Variants in COL16A1 observed in about 807,000 individuals in gnomAD.
COL16A1 encodes the protein collagen alpha-1(XVI) chain.
A neutral mutation model predicts 266.3 loss-of-function variants in COL16A1; 189 were observed. The observed-to-expected ratio is 0.71, with a 90% CI of 0.63 to 0.80. The LOEUF is 0.80. Among genes scored for constraint, COL16A1 ranks in the 30% least tolerant of loss-of-function variants. The pLI is 0.00. For missense variants in COL16A1, 1,928 were observed against 2,122.4 expected, an observed-to-expected ratio of 0.91 and a Z score of 1.80; for synonymous variants, 740 against 782.3, an observed-to-expected ratio of 0.95 and a Z score of 0.90.
In COL16A1 at chr1:31,662,668, A is replaced by AGGGGGGGGGGGGGGGGGGGGGGGGGGGGG; in HGVS notation, c.3556-11_3556-10insCCCCCCCCCCCCCCCCCCCCCCCCCCCCC. 1.4e-6 allele frequency: 2 copies of AGGGGGGGGGGGGGGGGGGGGGGGGGGGGG among 1,407,800 alleles called. No homozygotes were observed. The highest frequency in any genetic ancestry group is 1.9e-6 in the Non-Finnish European group (2 of 1,035,192). 87.2% of individuals were successfully genotyped at this position (1,407,800 alleles called of 1,614,324 possible). Reference sequence around the variant, plus strand: ...GAATCCCTTCGCTGCCCTGGAAACCAGCGCCGCCCCCCCCCCCCGCCCCAC... The same window carrying AGGGGGGGGGGGGGGGGGGGGGGGGGGGGG: ...GAATCCCTTCGCTGCCCTGGAAACCAGGGGGGGGGGGGGGGGGGGGGGGGGGGGGGCGCCGCCCCCCCCCCCCGCCCCAC... On this transcript the variant is annotated splice_polypyrimidine_tract_variant and intron_variant, in intron 56 of 70. Transcript: ENST00000373672.
At chr1:31,660,449 G>A in intron 62 of COL16A1, 136 bp downstream of exon 62, 1 of 1,112,446 alleles carries the variant, frequency 9.0e-7, no homozygotes, top group Non-Finnish European at 1.3e-6. Flanking sequence ...ACCACAGAAG[G>A]AGTGGCCCCC....
chr1:31,657,112 G>A lies in COL16A1; in HGVS notation c.4021-44C>T. ...TGGAGACATGAGGAGCTCCAACCCA[G>A]TTTGGTGTCAGATGCCTCACTTTGT... On this transcript the variant is annotated intron_variant, in intron 64 of 70. Coordinates refer to ENST00000373672, the MANE Select transcript of COL16A1 (RefSeq NM_001856.4). The surrounding 1 kb of genome is among the most constrained non-coding windows in gnomAD (Gnocchi z 6.4). 6.2e-7 allele frequency: 1 copy of A among 1,613,772 alleles called. No homozygotes were observed. Among genetic ancestry groups the A allele is most frequent in the Non-Finnish European group, 8.5e-7 (1 of 1,179,722 alleles).
At chr1:31,696,827 T>C in intron 8 of COL16A1, 136 bp downstream of exon 8, 1 of 1,430,414 alleles carries the variant, frequency 7.0e-7, no homozygotes, top group East Asian at 2.4e-5. Context: ...GGCGTACAAA[T>C]AGGGAGGGCT....
chr1:31,667,319 A>T (rs1490199816), intron 52 of COL16A1, among the ~76,000 whole-genome samples: 1 of 152,108 alleles, frequency 6.6e-6, no homozygotes, highest in African/African-American at 2.4e-5. Context: ...GGGGGTCTAT[A>T]ATCCCAGGTC....
At position 31,657,292 on chromosome 1, in the gene COL16A1, A is replaced by T; in HGVS notation, c.4021-224T>A. 1.7e-6 allele frequency: 1 copy of T among 596,674 alleles called. No homozygotes were observed. The highest frequency in any genetic ancestry group is 3.0e-6 in the Non-Finnish European group (1 of 335,192). 37.0% of individuals were successfully genotyped at this position (596,674 alleles called of 1,614,324 possible). A position where few individuals can be genotyped will look rare whatever the true frequency, so the allele number is the denominator to read the frequency against. On this transcript the variant is annotated intron_variant, in intron 64 of 70. Transcript: ENST00000373672. The surrounding 1 kb of genome is among the most constrained non-coding windows in gnomAD (Gnocchi z 6.4). The stretch of plus-strand genomic sequence containing the variant: ...CCAACAGCTCCCAGCCCCCGTCTAC[A>T]AGAGCTTTACAAGGGAAGAACAGAC...
intron 51 of COL16A1, 89 bp from the exon 52 acceptor site, chr1:31,667,717 C>T (rs1642261673): frequency 7.9e-7 from 1 of 1,263,632 alleles, no homozygotes; most frequent in Non-Finnish European, 1.1e-6. Context: ...GCAGCTGGCA[C>T]CCAGACTGGC....
chr1:31,652,553 C>CA lies in COL16A1; in HGVS notation c.*97dup, dbSNP rs1232924938. On this transcript the variant is annotated 3_prime_UTR_variant, in exon 71 of 71. Transcript: ENST00000373672. This position sits in a 1 kb window ranked among gnomAD's most constrained non-coding sequence, Gnocchi z 4.8. ...TATTAACAGCAATTAAAAACAACAA[C>CA]AACAACAAAAAAAACATTCACAACC... is the stretch of plus-strand genomic sequence containing the variant. The CA allele has an allele frequency of 8.8e-5, 111 of 1,267,488 alleles. No homozygotes were observed. In the African/African-American group the frequency reaches 8.9e-4, roughly 10 times the overall value. The allele number at this position is 1,267,488 out of a possible 1,614,324, so 78.5% of individuals were successfully genotyped here.
At chr1:31,678,010 A>AGGAAGCCCC (rs1158816548) in intron 42 of COL16A1, among the ~76,000 whole-genome samples, 1 of 152,222 alleles carries the variant, frequency 6.6e-6, no homozygotes, top group Non-Finnish European at 1.5e-5. Context: ...GCAGTGTGGC[A>AGGAAGCCCC]GGAAGCCCCA....
chr1:31,667,352 G>A (rs1185367091), intron 52 of COL16A1, among the ~76,000 whole-genome samples: 3 of 152,212 alleles, frequency 2.0e-5, no homozygotes, highest in African/African-American at 7.2e-5. Flanking sequence ...AGGCGGAGGA[G>A]TGCTTCTGCG....
intron 42 of COL16A1, among the ~76,000 whole-genome samples, chr1:31,677,783 G>A (rs543288842): frequency 2.4e-4 from 36 of 152,340 alleles, no homozygotes; most frequent in Non-Finnish European, 4.9e-4. Context: ...GTACCTGTGA[G>A]CAGCAGCCTC....
rs752223979 is a variant in COL16A1, at chr1:31,694,165, T to G, written c.987A>C (p.Thr329=). 1 of 1,595,000 alleles carries G rather than the reference T, an allele frequency of 6.3e-7. No individual in the cohort carries two copies. The highest frequency in any genetic ancestry group is 1.3e-5 in the African/African-American group (1 of 74,604). ...CVHGARDSNV[T]LAPSGPKGGK... ...TCACCTTGGGGCCAGAGGGAGCAAG[T>G]GTGACCTGAGGGGACAGAGGAGAGG... The change falls in exon 12 of 71, where the codon ACA becomes ACC. Residue 329 remains threonine, a synonymous_variant. Transcript: ENST00000373672.
intron 1 of COL16A1, 71 bp from the exon 2 acceptor site, chr1:31,702,298 G>A (rs1356542775): frequency 1.3e-5 from 19 of 1,514,170 alleles, no homozygotes; most frequent in South Asian, 5.9e-5. Context: ...TGGGCAAGTC[G>A]TGGACAGCCT....
chr1:31,661,489 C>G, intron 59 of COL16A1, 31 bp from the exon 60 acceptor site: 1 of 1,614,198 alleles, frequency 6.2e-7, no homozygotes, highest in Non-Finnish European at 8.5e-7. Flanking sequence ...TTCTCATGTC[C>G]CTCATGTCAG....
chr1:31,661,223 G>T, intron 60 of COL16A1, 104 bp from the exon 61 acceptor site: 1 of 1,487,094 alleles, frequency 6.7e-7, no homozygotes, highest in Non-Finnish European at 9.1e-7. Context: ...CCCAGCTTTG[G>T]CCAGAGGCCC....
Position 31,668,472 on chromosome 1 carries a change from G to C in COL16A1, c.3250-254C>G, listed in dbSNP as rs1642341551. 6.6e-6 allele frequency among the ~76,000 whole-genome samples: 1 copy of C among 152,178 alleles called. No individual in the cohort carries two copies. Among genetic ancestry groups the C allele is most frequent in the African/African-American group, 2.4e-5 (1 of 41,428 alleles). On this transcript the variant is annotated intron_variant, in intron 50 of 70. Coordinates refer to ENST00000373672, the MANE Select transcript of COL16A1 (RefSeq NM_001856.4). The surrounding 1 kb of genome is among the most constrained non-coding windows in gnomAD (Gnocchi z 5.8). ...GAGCTGAGCCGGAGCAGGGAGCCCAGAGCAGGCATGAGGACCAGGGAAGAG... is the reference window on the plus strand; with the variant it reads ...GAGCTGAGCCGGAGCAGGGAGCCCACAGCAGGCATGAGGACCAGGGAAGAG...
At chr1:31,686,037 G>A in intron 28 of COL16A1, 54 bp downstream of exon 28, 1 of 1,606,778 alleles carries the variant, frequency 6.2e-7, no homozygotes, top group Non-Finnish European at 8.5e-7. Context: ...CAAGACGAGT[G>A]TCTATCTAGG....
At chr1:31,661,600 G>A in intron 59 of COL16A1, 60 bp downstream of exon 59, 7 of 1,612,572 alleles carry the variant, frequency 4.3e-6, no homozygotes, top group Non-Finnish European at 5.1e-6. Flanking sequence ...AGCTGTTGCA[G>A]CCACCCAGGC....
intron 44 of COL16A1, among the ~76,000 whole-genome samples, chr1:31,674,740 C>T (rs1400951367): frequency 3.9e-5 from 6 of 152,196 alleles, no homozygotes; most frequent in Admixed American, 6.5e-5. Flanking sequence ...CTGCTGCGGG[C>T]AGGCTTCAGG....
At chr1:31,684,302 C>A (rs1374143785) in intron 31 of COL16A1, 71 bp from the exon 32 acceptor site, 2 of 1,449,758 alleles carry the variant, frequency 1.4e-6, no homozygotes, top group Admixed American at 5.7e-5. Context: ...GCCCTGCACC[C>A]CTCTGAACAC....
Sources: gnomAD v4.1 joint callset for allele counts (sites outside exome capture counted in the v4.1 genomes callset) on GRCh38, gnomAD v4.1.1 for gene constraint, Gnocchi (gnomAD v3.1) non-coding constraint, MANE v1.5 for transcripts, NCBI Gene and HGNC (gene_info 2026-07-23, HGNC 2026-07-21) for gene names.